KIF21A: variants seen among roughly 807,000 people sequenced by gnomAD.
The protein encoded by KIF21A is kinesin-like protein KIF21A.
KIF21A carries 114 observed loss-of-function variants against 202.9 expected under a neutral mutation model. That is an observed-to-expected ratio of 0.56 (90% confidence interval 0.48 to 0.66). KIF21A has a LOEUF of 0.66. Ranked by LOEUF, KIF21A falls within the 30% of genes least tolerant of loss-of-function variation. KIF21A has a pLI of 0.00. For synonymous variants in KIF21A, 667 were observed against 670.8 expected (o/e 0.99, Z 0.09); for missense variants, 1,677 against 1,994.9 (o/e 0.84, Z 3.04).
At position 39,442,766 on chromosome 12, in the gene KIF21A, G is replaced by C. The variant is rs1457776793; in HGVS notation, c.44+161C>G. Among the ~76,000 whole-genome samples the C allele has an allele frequency of 6.6e-6, 1 of 152,148 alleles. No homozygotes were observed. The highest frequency in any genetic ancestry group is 1.5e-5 in the Non-Finnish European group (1 of 68,004). ...GCCAGCACCCGGCCGCGCGTGCCAG[G>C]CCAGCGGGGACTCACTGCCTCAGTT... On this transcript the variant is annotated intron_variant, in intron 1 of 37. Transcript: ENST00000361418. This position sits in a 1 kb window ranked among gnomAD's most constrained non-coding sequence, Gnocchi z 5.0.
At chr12:39,379,147 T>C (rs1420706329) in intron 1 of KIF21A, among the ~76,000 whole-genome samples, 1 of 152,024 alleles carries the variant, frequency 6.6e-6, no homozygotes, top group African/African-American at 2.4e-5. Flanking sequence ...CTGGCCAATA[T>C]GGTGAAACCC....
chr12:39,357,397 T>G lies in KIF21A; in HGVS notation c.1256A>C (p.Asn419Thr). Residue 419 changes from asparagine (N) to threonine (T), a missense_variant, in exon 9 of 38, where the codon AAT (asparagine) becomes ACT (threonine). Around this residue, in one of 3 missense-constraint regions of KIF21A, gnomAD observed 966 missense variants for 1,180.9 expected, o/e 0.82. Transcript: ENST00000361418. ...CATAGCATTCTCATGAAACATGTCA[T>G]TGATGCTTTCCACACCCTCTTCGTC... is the stretch of plus-strand genomic sequence containing the variant. ...IIDEEGVESINDMFHENAMLQ... is the reference protein window; with the variant it reads ...IIDEEGVESITDMFHENAMLQ... 6.2e-7 allele frequency: 1 copy of G among 1,614,166 alleles called. No homozygotes were observed. Among genetic ancestry groups the G allele is most frequent in the South Asian group, 1.1e-5 (1 of 91,090 alleles).
At chr12:39,376,940 C>T (rs1195609709) in intron 1 of KIF21A, among the ~76,000 whole-genome samples, 1 of 152,146 alleles carries the variant, frequency 6.6e-6, no homozygotes, top group African/African-American at 2.4e-5. Flanking sequence ...CTAGCCATTG[C>T]TGATTTGTTG....
At chr12:39,415,853 T>C (rs773091048) in intron 1 of KIF21A, among the ~76,000 whole-genome samples, 8 of 152,206 alleles carry the variant, frequency 5.3e-5, no homozygotes, top group Non-Finnish European at 8.8e-5. Context: ...CCAGGGCTAT[T>C]GTATTTGGAT....
intron 25 of KIF21A, 134 bp downstream of exon 25, chr12:39,326,130 A>C: frequency 1.3e-6 from 1 of 758,980 alleles, no homozygotes; most frequent in Non-Finnish European, 2.3e-6. Flanking sequence ...GTTTCTATTT[A>C]CTGTTTCTAA....
At chr12:39,439,964 T>C (rs1441358635) in intron 1 of KIF21A, among the ~76,000 whole-genome samples, 4 of 133,514 alleles carry the variant, frequency 3.0e-5, no homozygotes, top group Non-Finnish European at 6.0e-5. Context: ...TTTCCACAAT[T>C]ATATTATTCA....
At chr12:39,340,822 A>AT (rs534288123) in intron 15 of KIF21A, 84 bp downstream of exon 15, 49 of 998,542 alleles carry the variant, frequency 4.9e-5, no homozygotes, top group Middle Eastern at 2.7e-4. Flanking sequence ...TACGGCTTCT[A>AT]TTTTTTTTCT....
At chr12:39,295,684 T>G (rs1942238243) in intron 37 of KIF21A, among the ~76,000 whole-genome samples, 1 of 147,904 alleles carries the variant, frequency 6.8e-6, no homozygotes, top group Non-Finnish European at 1.5e-5. Context: ...CAAGCATGCT[T>G]GGGATATGTT....
chr12:39,403,278 TCA>T (rs1198783346), intron 1 of KIF21A, among the ~76,000 whole-genome samples: 1 of 152,232 alleles, frequency 6.6e-6, no homozygotes, highest in African/African-American at 2.4e-5. Context: ...CTTATGGAAC[TCA>T]CAGTCTACAG....
chr12:39,304,449 C>T (rs780748627), intron 35 of KIF21A, among the ~76,000 whole-genome samples: 4 of 152,196 alleles, frequency 2.6e-5, no homozygotes, highest in Non-Finnish European at 5.9e-5. Context: ...TTTCATTTAA[C>T]ATTTAAATTT....
chr12:39,358,156 A>G (rs1237219211), intron 8 of KIF21A, 22 bp downstream of exon 8: 2 of 1,609,142 alleles, frequency 1.2e-6, no homozygotes, highest in African/African-American at 1.3e-5. Context: ...CACAAAATGC[A>G]AAGTCAAACT....
At chr12:39,404,525 C>A (rs1952431784) in intron 1 of KIF21A, among the ~76,000 whole-genome samples, 1 of 152,000 alleles carries the variant, frequency 6.6e-6, no homozygotes. Context: ...TTTTTCATAA[C>A]TAAAAAACAC....
intron 29 of KIF21A, 122 bp from the exon 30 acceptor site, chr12:39,316,092 G>A: frequency 1.3e-6 from 1 of 757,950 alleles, no homozygotes; most frequent in Admixed American, 1.9e-5. Flanking sequence ...TTCCTTCATA[G>A]TGCCCTGCTT....
At chr12:39,390,166 G>A (rs1244555820) in intron 1 of KIF21A, among the ~76,000 whole-genome samples, 2 of 152,112 alleles carry the variant, frequency 1.3e-5, no homozygotes, top group Non-Finnish European at 1.5e-5. Context: ...AGAGAAGTAA[G>A]ACTATGGAAA....
intron 17 of KIF21A, among the ~76,000 whole-genome samples, chr12:39,336,751 C>T (rs1214186162): frequency 6.6e-6 from 1 of 152,152 alleles, no homozygotes; most frequent in Non-Finnish European, 1.5e-5. Flanking sequence ...AGTGATAAAA[C>T]ATTCTTCAGA....
intron 1 of KIF21A, among the ~76,000 whole-genome samples, chr12:39,376,016 A>G (rs1298414049): frequency 1.3e-5 from 2 of 152,018 alleles, no homozygotes; most frequent in Admixed American, 6.6e-5. Flanking sequence ...GCACCCTAAC[A>G]TCTCAGCTTG....
chr12:39,369,369 A>G (rs1186356751), intron 3 of KIF21A, among the ~76,000 whole-genome samples: 2 of 152,150 alleles, frequency 1.3e-5, no homozygotes, highest in Admixed American at 6.6e-5. Flanking sequence ...CTGAGGCACA[A>G]GAATCACTTG....
intron 11 of KIF21A, among the ~76,000 whole-genome samples, chr12:39,350,003 T>C (rs1948235139): frequency 6.6e-6 from 1 of 152,000 alleles, no homozygotes; most frequent in African/African-American, 2.4e-5. Context: ...TAGCACTCTA[T>C]AGGTGTATTA....
chr12:39,303,838 T>C (rs936253966), intron 35 of KIF21A, among the ~76,000 whole-genome samples: 3 of 152,312 alleles, frequency 2.0e-5, no homozygotes, highest in Admixed American at 6.5e-5. Context: ...TCTTAGCCCG[T>C]AACCTTGTGC....
Sources: gnomAD v4.1 joint callset for allele counts (sites outside exome capture counted in the v4.1 genomes callset) on GRCh38, gnomAD v4.1.1 for gene constraint, gnomAD v4.1.1 regional missense constraint, Gnocchi (gnomAD v3.1) non-coding constraint, MANE v1.5 for transcripts, NCBI Gene and HGNC (gene_info 2026-07-23, HGNC 2026-07-21) for gene names.